The following LIMS4 variants were observed in gnomAD, a reference collection of about 807,000 sequenced individuals.
The protein encoded by LIMS4 is LIM zinc finger domain containing 4.
the LIMS4 span, among the ~76,000 whole-genome samples, chr2:110,371,571 A>G: frequency 2.2e-5 from 3 of 134,062 alleles, no homozygotes; most frequent in Non-Finnish European, 4.5e-5. Context: ...TGTGCCTTTG[A>G]GATATAAACA....
chr2:110,378,974 C>CTA, the LIMS4 span, among the ~76,000 whole-genome samples: 65 of 146,832 alleles, frequency 4.4e-4, 5 homozygotes, highest in African/African-American at 1.8e-3. Context: ...TGCTCTCTTT[C>CTA]TACACACACA....
At chr2:110,385,281 C>A in the LIMS4 span, among the ~76,000 whole-genome samples, 1 of 150,320 alleles carries the variant, frequency 6.7e-6, no homozygotes, top group Non-Finnish European at 1.5e-5. Flanking sequence ...AGTCCTATGA[C>A]CAGCTTTTGC....
At chr2:110,411,774 C>T in the LIMS4 span, among the ~76,000 whole-genome samples, 1 of 79,316 alleles carries the variant, frequency 1.3e-5, no homozygotes. Context: ...TTAAAATCTG[C>T]TGATTCTATC....
the LIMS4 span, among the ~76,000 whole-genome samples, chr2:110,365,972 G>C: frequency 1.3e-5 from 2 of 151,010 alleles, no homozygotes; most frequent in African/African-American, 5.0e-5. Context: ...AATTGAACCA[G>C]GAAGAAACTG....
the LIMS4 span, chr2:110,359,243 ACAG>A: frequency 7.0e-6 from 1 of 142,494 alleles, no homozygotes; most frequent in Non-Finnish European, 1.5e-5. Context: ...AACATTGACT[ACAG>A]TATATCATGC....
At chr2:110,368,302 CAT>C in the LIMS4 span, among the ~76,000 whole-genome samples, 1 of 151,970 alleles carries the variant, frequency 6.6e-6, no homozygotes, top group Non-Finnish European at 1.5e-5. Flanking sequence ...GAAATTTACA[CAT>C]ATATATGTAG....
chr2:110,373,705 C>T, the LIMS4 span, among the ~76,000 whole-genome samples: 1 of 150,652 alleles, frequency 6.6e-6, no homozygotes, highest in East Asian at 1.9e-4. Context: ...CTCTGACTCC[C>T]TGAGCCCACC....
chr2:110,383,074 C>A, the LIMS4 span: 2 of 44,860 alleles, frequency 4.5e-5, no homozygotes, highest in African/African-American at 2.9e-4. Flanking sequence ...AGAAGGCGGC[C>A]ACGGCCAGGC....
At chr2:110,391,468 G>C in the LIMS4 span, among the ~76,000 whole-genome samples, 585 of 84,942 alleles carry the variant, frequency 6.9e-3, no homozygotes, top group Middle Eastern at 0.016. Flanking sequence ...CTCCCCTTAG[G>C]GCAGCTCCTA....
the LIMS4 span, among the ~76,000 whole-genome samples, chr2:110,373,680 G>A: frequency 2.6e-5 from 4 of 151,584 alleles, no homozygotes; most frequent in East Asian, 3.9e-4. Context: ...TAGGATGGGA[G>A]GCTAGTCCCT....
At chr2:110,407,691 T>G in the LIMS4 span, among the ~76,000 whole-genome samples, 1 of 132,422 alleles carries the variant, frequency 7.6e-6, no homozygotes, top group African/African-American at 2.9e-5. Flanking sequence ...GAGGATCACT[T>G]GAGCCCAGGA....
the LIMS4 span, among the ~76,000 whole-genome samples, chr2:110,371,818 G>A: frequency 7.0e-6 from 1 of 142,406 alleles, no homozygotes; most frequent in Non-Finnish European, 1.5e-5. Flanking sequence ...AGACACCTGA[G>A]GAGCCAGGTG....
the LIMS4 span, among the ~76,000 whole-genome samples, chr2:110,395,982 C>T: frequency 7.1e-6 from 1 of 141,610 alleles, no homozygotes; most frequent in East Asian, 2.0e-4. Context: ...GTGGGGCAGC[C>T]TTGTGCATGG....
the LIMS4 span, among the ~76,000 whole-genome samples, chr2:110,366,988 C>T: frequency 1.3e-5 from 2 of 148,558 alleles, no homozygotes; most frequent in Non-Finnish European, 3.0e-5. Flanking sequence ...CACACAAATA[C>T]CAAGGAATAA....
chr2:110,366,944 GACACACAC>G, the LIMS4 span, among the ~76,000 whole-genome samples: 597 of 125,522 alleles, frequency 4.8e-3, 2 homozygotes, highest in African/African-American at 0.015. Context: ...ATTCACAATA[GACACACAC>G]ACACACACAC....
chr2:110,367,184 C>A, the LIMS4 span, among the ~76,000 whole-genome samples: 113 of 149,930 alleles, frequency 7.5e-4, no homozygotes, highest in Non-Finnish European at 1.2e-3. Context: ...TTATTCCTAT[C>A]AAACTACCAA....
chr2:110,401,320 TC>T, the LIMS4 span, among the ~76,000 whole-genome samples: 2 of 123,968 alleles, frequency 1.6e-5, no homozygotes, highest in Non-Finnish European at 3.3e-5. Flanking sequence ...CTTCTCTAAC[TC>T]CCCCAAGGAA....
At chr2:110,365,985 A>G in the LIMS4 span, among the ~76,000 whole-genome samples, 5 of 151,186 alleles carry the variant, frequency 3.3e-5, no homozygotes, top group Non-Finnish European at 7.3e-5. Flanking sequence ...AGAAACTGAA[A>G]CCCTGAACAG....
chr2:110,372,730 T>C, the LIMS4 span, among the ~76,000 whole-genome samples: 1 of 148,874 alleles, frequency 6.7e-6, no homozygotes, highest in South Asian at 2.1e-4. Flanking sequence ...GGTCTCAAAC[T>C]CCTGACCTCA....
Sources: gnomAD v4.1 joint callset for allele counts (sites outside exome capture counted in the v4.1 genomes callset) on GRCh38, gnomAD v4.1.1 for gene constraint, MANE v1.5 for transcripts, NCBI Gene and HGNC (gene_info 2026-07-23, HGNC 2026-07-21) for gene names.